USP50: variants seen among roughly 807,000 people sequenced by gnomAD.
The protein encoded by USP50 is ubiquitin carboxyl-terminal hydrolase 50.
A neutral mutation model predicts 39.2 loss-of-function variants in USP50; 37 were observed. That is an observed-to-expected ratio of 0.94 (90% confidence interval 0.73 to 1.24). The LOEUF is 1.24. USP50 is among the 50% of genes most tolerant of loss of function. The probability of loss-of-function intolerance (pLI) is 0.00; values close to 1 mark genes in which losing one functional copy is unlikely to be tolerated. For missense variants in USP50, 374 were observed against 398.2 expected, an observed-to-expected ratio of 0.94 and a Z score of 0.52; for synonymous variants, 139 against 144.5, an observed-to-expected ratio of 0.96 and a Z score of 0.27.
At chr15:50,534,194 A>C (rs1477249101) in intron 5 of USP50, among the ~76,000 whole-genome samples, 3 of 152,224 alleles carry the variant, frequency 2.0e-5, no homozygotes, top group Non-Finnish European at 4.4e-5. Context: ...ATGCTTATGC[A>C]TATATCATAT....
At chr15:50,530,085 T>C (rs1225708374) in intron 5 of USP50, among the ~76,000 whole-genome samples, 156 bp from the exon 6 acceptor site, 1 of 152,154 alleles carries the variant, frequency 6.6e-6, no homozygotes, top group Non-Finnish European at 1.5e-5. Flanking sequence ...GGTGGACATA[T>C]CCCTTGAGCC....
At chr15:50,496,480 T>TA (rs35899607), downstream of USP50, among the ~76,000 whole-genome samples, 1,954 of 116,446 alleles carry the variant, frequency 0.017, 37 homozygotes, top group African/African-American at 0.054. Flanking sequence ...GACTCCGTCT[T>TA]AAAAAAAAAA....
chr15:50,498,798 T>C, downstream of USP50: 1 of 1,556,784 alleles, frequency 6.4e-7, no homozygotes, highest in Non-Finnish European at 8.7e-7. Context: ...AGTGGTTTCC[T>C]ACCTCATGGA....
intron 6 of USP50, among the ~76,000 whole-genome samples, chr15:50,526,183 C>T (rs1044303779): frequency 1.7e-4 from 26 of 152,144 alleles, no homozygotes; most frequent in African/African-American, 6.3e-4. Context: ...CTCAGCCCCT[C>T]GAGTAGCTGG....
intron 6 of USP50, among the ~76,000 whole-genome samples, chr15:50,526,844 T>C (rs1181443435): frequency 6.6e-6 from 1 of 152,238 alleles, no homozygotes; most frequent in African/African-American, 2.4e-5. Flanking sequence ...GCCTGTTTCC[T>C]ATTCTGTAAA....
chr15:50,544,773 C>T lies in USP50; in HGVS notation c.62G>A (p.Cys21Tyr), dbSNP rs373766777. 1.9e-6 allele frequency: 3 copies of T among 1,613,826 alleles called. No individual in the cohort carries two copies. The highest frequency in any genetic ancestry group is 8.5e-7 in the Non-Finnish European group (1 of 1,179,792). ...TGGAAGGGTATCATAGTAATCTGTG[C>T]ACTCTGCACTGTGTTGGTGCCACAT... ...DFDIYHVLAE[C>Y]TDYYDTLPVK... Residue 21 changes from cysteine to tyrosine, a missense_variant, in exon 2 of 7, where the codon TGC (cysteine) becomes TAC (tyrosine). Cys to Tyr is a radical substitution (Grantham distance 194). Transcript: ENST00000532404.
downstream of USP50, chr15:50,493,693 C>A: frequency 2.7e-6 from 1 of 370,716 alleles, no homozygotes. Context: ...TGCAGTGAGC[C>A]GTGATTGTGC....
At chr15:50,534,378 A>G (rs61002200) in intron 5 of USP50, among the ~76,000 whole-genome samples, 2,503 of 152,284 alleles carry the variant, frequency 0.016, 86 homozygotes, top group African/African-American at 0.058. Flanking sequence ...AATAAAGGAG[A>G]GAAAATGGAG....
At chr15:50,517,158 C>G (rs1377678146) in intron 6 of USP50, among the ~76,000 whole-genome samples, 1 of 152,150 alleles carries the variant, frequency 6.6e-6, no homozygotes, top group Admixed American at 6.6e-5. Context: ...TGTTAGAGGT[C>G]ATACAATAAG....
At chr15:50,524,513 A>G (rs72738992) in intron 6 of USP50, among the ~76,000 whole-genome samples, 4,410 of 152,316 alleles carry the variant, frequency 0.029, 96 homozygotes, top group Non-Finnish European at 0.044. Flanking sequence ...TCATGACAAA[A>G]ATGTTCAACA....
chr15:50,520,750 G>A (rs954956794), intron 6 of USP50, among the ~76,000 whole-genome samples: 3 of 152,130 alleles, frequency 2.0e-5, no homozygotes, highest in Non-Finnish European at 4.4e-5. Flanking sequence ...AATGTTGCAT[G>A]TTCTCACTCA....
At chr15:50,505,154 A>G (rs930004217) in intron 6 of USP50, 2 of 152,190 alleles carry the variant, frequency 1.3e-5, no homozygotes, top group Admixed American at 6.6e-5. Context: ...AGGCAATATT[A>G]AAAGTGATAA....
chr15:50,524,548 A>G (rs2052873544), intron 6 of USP50, among the ~76,000 whole-genome samples: 1 of 152,246 alleles, frequency 6.6e-6, no homozygotes. Flanking sequence ...GGAAATAGAA[A>G]TTAAAACCAC....
At chr15:50,530,006 A>T in intron 5 of USP50, 77 bp from the exon 6 acceptor site, 1 of 1,574,660 alleles carries the variant, frequency 6.4e-7, no homozygotes, top group Non-Finnish European at 8.6e-7. Flanking sequence ...AATTCCGAGT[A>T]TTTTAAAAGT....
At chr15:50,493,144 A>ACT, downstream of USP50, 1 of 610,636 alleles carries the variant, frequency 1.6e-6, no homozygotes, top group Non-Finnish European at 3.0e-6. Flanking sequence ...GGTGGAAGCG[A>ACT]AAGAGGACAG....
intron 6 of USP50, 65 bp downstream of exon 6, chr15:50,529,732 T>G: frequency 1.9e-6 from 3 of 1,548,768 alleles, no homozygotes; most frequent in South Asian, 2.5e-5. Context: ...AAATAGGGAT[T>G]CAAGCAGATA....
At chr15:50,509,244 G>C (rs559970292) in intron 6 of USP50, 3 of 152,536 alleles carry the variant, frequency 2.0e-5, no homozygotes, top group African/African-American at 7.2e-5. Flanking sequence ...TCGAGCCTGG[G>C]AGGCAGAGGT....
downstream of USP50, chr15:50,497,819 A>C (rs2052476025): frequency 6.6e-6 from 1 of 152,184 alleles, no homozygotes; most frequent in Non-Finnish European, 1.5e-5. Flanking sequence ...ATTATTTGAA[A>C]AACTTTTTAA....
intron 3 of USP50, among the ~76,000 whole-genome samples, chr15:50,542,835 G>A (rs897888385): frequency 2.6e-5 from 4 of 152,052 alleles, no homozygotes; most frequent in African/African-American, 9.7e-5. Context: ...ACTGAGATCT[G>A]CCAATGAGAA....
Sources: gnomAD v4.1 joint callset for allele counts (sites outside exome capture counted in the v4.1 genomes callset) on GRCh38, gnomAD v4.1.1 for gene constraint, MANE v1.5 for transcripts, NCBI Gene and HGNC (gene_info 2026-07-23, HGNC 2026-07-21) for gene names.